CNTNAP5: variants seen among roughly 807,000 people sequenced by gnomAD.
CNTNAP5 encodes the protein contactin-associated protein-like 5.
Under a neutral mutation model 150.2 loss-of-function variants are expected in CNTNAP5, and 72 were observed. The ratio of observed to expected loss-of-function variants is 0.48; its 90% CI spans 0.40 to 0.58. The LOEUF is 0.58. Among genes scored for constraint, CNTNAP5 ranks in the 20% least tolerant of loss-of-function variants. The probability of loss-of-function intolerance (pLI) is 0.00; values close to 1 mark genes in which losing one functional copy is unlikely to be tolerated. For synonymous variants in CNTNAP5, 672 were observed against 619.8 expected (o/e 1.08, Z -1.25); for missense variants, 1,636 against 1,626.2 (o/e 1.01, Z -0.10).
chr2:124,210,848 C>T (rs970851019), intron 1 of CNTNAP5, among the ~76,000 whole-genome samples: 3 of 151,992 alleles, frequency 2.0e-5, no homozygotes, highest in African/African-American at 7.2e-5. Context: ...TTAACATATT[C>T]GCATTTTAAA....
rs758624743 is a variant in CNTNAP5, at chr2:124,772,870, C to G, written c.2605C>G (p.Leu869Val). Residue 869 changes from leucine to valine, a missense_variant, in exon 17 of 24, where the codon CTT becomes GTT. Physicochemically the swap from Leu to Val is conservative, Grantham distance 32. Transcript: ENST00000682447. ...PVELVVQSPS[L>V]LNDNQWHYVR... The stretch of plus-strand genomic sequence containing the variant: ...GGAGCTTGTAGTCCAGTCTCCTTCT[C>G]TTCTGAATGACAACCAATGGCACTA... 1 of 1,613,708 alleles carries G rather than the reference C, an allele frequency of 6.2e-7. No homozygotes were observed. Among genetic ancestry groups the G allele is most frequent in the South Asian group, 1.1e-5 (1 of 91,074 alleles).
At chr2:124,510,518 T>TATATATATATACACACAC (rs10641959) in intron 8 of CNTNAP5, among the ~76,000 whole-genome samples, 5 of 124,912 alleles carry the variant, frequency 4.0e-5, no homozygotes, top group African/African-American at 1.6e-4. Context: ...TATATATATA[T>TATATATATATACACACAC]ACATATATCT....
chr2:124,893,425 A>G (rs982695703), intron 21 of CNTNAP5, among the ~76,000 whole-genome samples: 1 of 152,138 alleles, frequency 6.6e-6, no homozygotes, highest in Admixed American at 6.5e-5. Flanking sequence ...AAGCGATCTT[A>G]ATAAGAACTA....
intron 1 of CNTNAP5, among the ~76,000 whole-genome samples, chr2:124,142,655 T>A (rs1684145159): frequency 7.9e-6 from 1 of 126,576 alleles, no homozygotes; most frequent in Non-Finnish European, 1.7e-5. Flanking sequence ...TAGAGGGAAA[T>A]TTATAGCACT....
intron 13 of CNTNAP5, among the ~76,000 whole-genome samples, chr2:124,665,710 C>T (rs1678685134): frequency 6.6e-6 from 1 of 151,960 alleles, no homozygotes; most frequent in South Asian, 2.1e-4. Context: ...CACGGTGAAA[C>T]CCCGTCTCTA....
intron 1 of CNTNAP5, among the ~76,000 whole-genome samples, chr2:124,204,202 T>A (rs1237621051): frequency 1.3e-5 from 2 of 152,170 alleles, no homozygotes; most frequent in Non-Finnish European, 2.9e-5. Flanking sequence ...TCCACAGATA[T>A]CTAGGACAGG....
At chr2:124,202,847 T>C (rs796418209) in intron 1 of CNTNAP5, among the ~76,000 whole-genome samples, 3 of 152,186 alleles carry the variant, frequency 2.0e-5, no homozygotes, top group African/African-American at 7.2e-5. Flanking sequence ...CTATAACACA[T>C]GGGAATTATG....
At chr2:124,388,647 C>T (rs1690996639) in intron 3 of CNTNAP5, among the ~76,000 whole-genome samples, 1 of 152,102 alleles carries the variant, frequency 6.6e-6, no homozygotes, top group South Asian at 2.1e-4. Context: ...TGCTAATGTC[C>T]ATCCCTGGTC....
intron 1 of CNTNAP5, among the ~76,000 whole-genome samples, chr2:124,153,525 G>T (rs1253997455): frequency 4.6e-5 from 7 of 151,692 alleles, no homozygotes; most frequent in African/African-American, 1.5e-4. Flanking sequence ...TGGTGAGGAG[G>T]GCCTGCTTCT....
chr2:124,858,506 G>A (rs1677433853), intron 19 of CNTNAP5, among the ~76,000 whole-genome samples: 1 of 152,162 alleles, frequency 6.6e-6, no homozygotes, highest in Non-Finnish European at 1.5e-5. Flanking sequence ...GGGATGTGAA[G>A]GACCTCTTCA....
intron 19 of CNTNAP5, among the ~76,000 whole-genome samples, chr2:124,857,689 A>T (rs1362403934): frequency 1.3e-5 from 2 of 151,966 alleles, no homozygotes; most frequent in Non-Finnish European, 2.9e-5. Context: ...AAAAATGAAT[A>T]GTTAGCTGGG....
At chr2:124,656,011 GA>G (rs1201037136) in intron 13 of CNTNAP5, among the ~76,000 whole-genome samples, 1 of 138,020 alleles carries the variant, frequency 7.2e-6, no homozygotes, top group East Asian at 2.2e-4. Flanking sequence ...AGGAAGGAAG[GA>G]AGGAAGGAAG....
intron 1 of CNTNAP5, among the ~76,000 whole-genome samples, chr2:124,115,035 T>A (rs1683390926): frequency 6.6e-6 from 1 of 152,024 alleles, no homozygotes; most frequent in African/African-American, 2.4e-5. Context: ...GATACTATAA[T>A]GATGTTATGA....
chr2:124,363,109 A>G (rs925440260), intron 3 of CNTNAP5, among the ~76,000 whole-genome samples: 2 of 152,208 alleles, frequency 1.3e-5, no homozygotes, highest in African/African-American at 2.4e-5. Flanking sequence ...AGGCACTATG[A>G]TGTTTGTAAT....
chr2:124,036,783 C>T (rs1354707299), intron 1 of CNTNAP5, among the ~76,000 whole-genome samples: 1 of 152,098 alleles, frequency 6.6e-6, no homozygotes, highest in African/African-American at 2.4e-5. Context: ...TGTTCTTTTC[C>T]CCATTCTAGG....
chr2:124,486,444 T>G (rs1314641560), intron 7 of CNTNAP5, among the ~76,000 whole-genome samples: 1 of 152,128 alleles, frequency 6.6e-6, no homozygotes, highest in Admixed American at 6.6e-5. Flanking sequence ...TACACAAAAC[T>G]ATTGAAATAA....
At position 124,227,716 on chromosome 2, in the gene CNTNAP5, A is replaced by G. The variant is rs1184447395; in HGVS notation, c.187+5907A>G. Among the ~76,000 whole-genome samples, 8 of 150,070 alleles carry G rather than the reference A, an allele frequency of 5.3e-5. 1 individual carries two copies. In the East Asian group the frequency reaches 1.6e-3, roughly 30 times the overall value. On this transcript the variant is annotated intron_variant, in intron 2 of 23. Coordinates refer to ENST00000682447, the MANE Select transcript of CNTNAP5 (RefSeq NM_001367498.1). ...TAAGGCAGGAACCAGTAAAATGGTAAAGCTAATTCAAAGAGTATTTTTTGG... is the reference window on the plus strand; with the variant it reads ...TAAGGCAGGAACCAGTAAAATGGTAGAGCTAATTCAAAGAGTATTTTTTGG...
chr2:124,469,354 A>G (rs1693450713), intron 6 of CNTNAP5, among the ~76,000 whole-genome samples: 2 of 152,134 alleles, frequency 1.3e-5, no homozygotes, highest in Non-Finnish European at 2.9e-5. Context: ...TTTCCTGCAA[A>G]CAATATTTTC....
intron 13 of CNTNAP5, among the ~76,000 whole-genome samples, chr2:124,707,135 GAAGAGGAAGAA>G (rs1679695818): frequency 1.1e-5 from 1 of 91,674 alleles, no homozygotes; most frequent in African/African-American, 3.9e-5. Flanking sequence ...AGAAGAAGAA[GAAGAGGAAGAA>G]GAAGAAGAAG....
Sources: gnomAD v4.1 joint callset for allele counts (sites outside exome capture counted in the v4.1 genomes callset) on GRCh38, gnomAD v4.1.1 for gene constraint, MANE v1.5 for transcripts, NCBI Gene and HGNC (gene_info 2026-07-23, HGNC 2026-07-21) for gene names.